PTCD2: variants seen among roughly 807,000 people sequenced by gnomAD.
PTCD2 encodes the protein pentatricopeptide repeat domain 2.
A neutral mutation model predicts 42.6 loss-of-function variants in PTCD2; 31 were observed. The ratio of observed to expected loss-of-function variants is 0.73; its 90% confidence interval spans 0.55 to 0.98. PTCD2 has a LOEUF of 0.98. PTCD2 is among the 50% of genes least tolerant of loss of function. PTCD2 has a pLI of 0.00. For missense variants in PTCD2, 476 were observed against 454.8 expected (o/e 1.05, Z -0.42); for synonymous variants, 183 against 170.9 (o/e 1.07, Z -0.55).
Position 72,358,386 on chromosome 5 carries a change from C to T in PTCD2, c.1126C>T (p.Arg376Cys), listed in dbSNP as rs774465198. The T allele has an allele frequency of 1.3e-5, 21 of 1,613,618 alleles. No individual in the cohort carries two copies. Among genetic ancestry groups the T allele is most frequent in the Non-Finnish European group, 1.7e-5 (20 of 1,179,914 alleles). ...ATTAAACAAGAGGATGGTCAGCCGT[C>T]GCACCTTCCAGCCACTCAGCCAGTC... ...LLLNKRMVSR[R>C]TFQPLSQSLL... Residue 376 changes from arginine to cysteine, a missense_variant, in exon 10 of 10, where the codon CGC becomes TGC. Transcript: ENST00000380639.
intron 7 of PTCD2, among the ~76,000 whole-genome samples, chr5:72,339,774 C>T (rs915818629): frequency 8.6e-5 from 13 of 151,094 alleles, no homozygotes; most frequent in African/African-American, 3.2e-4. Context: ...GTTACATCGT[C>T]ATTGTGAATC....
intron 8 of PTCD2, among the ~76,000 whole-genome samples, chr5:72,346,708 G>A (rs1224666334): frequency 6.6e-6 from 1 of 152,170 alleles, no homozygotes; most frequent in Non-Finnish European, 1.5e-5. Flanking sequence ...CTTCCTACTG[G>A]ATATGGACAG....
rs200250206 is a variant in PTCD2 at position 72,360,209 on chromosome 5, C to CAAAAA, written c.*1794_*1798dup. ...GTATGTGTCTGGTGTTTTGCACATGCAAAAAAAAAAAAAAAAGTGCTTGGA... is the reference window on the plus strand; with the variant it reads ...GTATGTGTCTGGTGTTTTGCACATGCAAAAAAAAAAAAAAAAAAAAAGTGCTTGGA... On this transcript the variant is annotated 3_prime_UTR_variant, in exon 10 of 10. Coordinates refer to ENST00000380639, the MANE Select transcript of PTCD2 (RefSeq NM_024754.5). 9.0e-6 allele frequency: 1 copy of CAAAAA among 111,170 alleles called. No individual in the cohort carries two copies. Among genetic ancestry groups the CAAAAA allele is most frequent in the East Asian group, 2.5e-4 (1 of 4,002 alleles). The allele number at this position is 111,170 out of a possible 1,614,324, so 6.9% of individuals were successfully genotyped here.
At chr5:72,356,840 C>T (rs1055495760) in intron 9 of PTCD2, among the ~76,000 whole-genome samples, 6 of 152,146 alleles carry the variant, frequency 3.9e-5, no homozygotes, top group African/African-American at 1.4e-4. Context: ...GAGCCATTGT[C>T]TCAAAGGAAG....
In PTCD2 at chr5:72,358,509, T is replaced by A; in HGVS notation, c.*82T>A. 1.0e-6 allele frequency: 1 copy of A among 972,530 alleles called. No homozygotes were observed. The highest frequency in any genetic ancestry group is 1.6e-6 in the Non-Finnish European group (1 of 628,722). 60.2% of individuals were successfully genotyped at this position (972,530 alleles called of 1,614,324 possible). A position where few individuals can be genotyped will look rare whatever the true frequency, so the allele number is the denominator to read the frequency against. ...TTTCCTAAGAAGCCAGGTATCGCAC[T>A]TCAGCAGACAGTGTGCTGACACTTG... is the stretch of plus-strand genomic sequence containing the variant. On this transcript the variant is annotated 3_prime_UTR_variant, in exon 10 of 10. Coordinates refer to ENST00000380639, the MANE Select transcript of PTCD2 (RefSeq NM_024754.5).
In PTCD2 at chr5:72,324,170, A is replaced by G. The variant is rs567948347; in HGVS notation, c.220+1906A>G. Reference sequence around the variant, plus strand: ...ATGTGAGGTTTGCAGTTAGGGCTTCATGTCATCCAGTTGTGATTTCCAGTT... The same window carrying G: ...ATGTGAGGTTTGCAGTTAGGGCTTCGTGTCATCCAGTTGTGATTTCCAGTT... On this transcript the variant is annotated intron_variant, in intron 2 of 9. Coordinates refer to ENST00000380639, the MANE Select transcript of PTCD2 (RefSeq NM_024754.5). Among the ~76,000 whole-genome samples, 10 of 152,276 alleles carry G rather than the reference A, an allele frequency of 6.6e-5. No homozygotes were observed. In the East Asian group the frequency reaches 7.7e-4, roughly 12 times the overall value.
At chr5:72,349,924 A>C (rs1048017876) in intron 8 of PTCD2, among the ~76,000 whole-genome samples, 7 of 152,194 alleles carry the variant, frequency 4.6e-5, no homozygotes, top group Non-Finnish European at 1.0e-4. Context: ...TAGTTGCTGG[A>C]GGGAGGAAGA....
chr5:72,340,186 A>C (rs950813006), intron 7 of PTCD2, among the ~76,000 whole-genome samples: 1 of 152,022 alleles, frequency 6.6e-6, no homozygotes, highest in Non-Finnish European at 1.5e-5. Context: ...TGACTTTAAA[A>C]CCATAGTTTT....
chr5:72,344,526 T>C (rs930423802), intron 8 of PTCD2, among the ~76,000 whole-genome samples: 15 of 151,944 alleles, frequency 9.9e-5, no homozygotes, highest in African/African-American at 2.9e-4. Context: ...AAAAAGAATA[T>C]GAACTGTGAA....
intron 9 of PTCD2, among the ~76,000 whole-genome samples, chr5:72,355,433 A>T (rs1327204885): frequency 2.0e-5 from 3 of 152,204 alleles, no homozygotes; most frequent in Non-Finnish European, 2.9e-5. Flanking sequence ...ATTTAATTTT[A>T]AAAAATTAAG....
At chr5:72,357,392 T>C (rs1206615755) in intron 9 of PTCD2, among the ~76,000 whole-genome samples, 1 of 152,222 alleles carries the variant, frequency 6.6e-6, no homozygotes, top group Non-Finnish European at 1.5e-5. Flanking sequence ...TTCTTTTCTG[T>C]ACCTTTCCCA....
In PTCD2 at chr5:72,358,361, A is replaced by G. The variant is rs560996427; in HGVS notation, c.1101A>G (p.Leu367=). 3.7e-6 allele frequency: 6 copies of G among 1,614,034 alleles called. No homozygotes were observed. Among genetic ancestry groups the G allele is most frequent in the Middle Eastern group, 1.7e-4 (1 of 6,056 alleles). ...GGGACAGGAAATCTCACACGTTGCT[A>G]TTAAACAAGAGGATGGTCAGCCGTC... ...TPRDRKSHTL[L]LNKRMVSRRT... is the part of the protein sequence containing the mutation. The change falls in exon 10 of 10, where the codon CTA becomes CTG. Residue 367 remains leucine (L), a synonymous_variant. Coordinates refer to ENST00000380639, the MANE Select transcript of PTCD2 (RefSeq NM_024754.5).
intron 7 of PTCD2, among the ~76,000 whole-genome samples, chr5:72,339,642 G>A (rs116245383): frequency 2.1e-3 from 324 of 151,380 alleles, no homozygotes; most frequent in African/African-American, 7.5e-3. Context: ...TCAGTCATGA[G>A]GTGAGTGAGG....
chr5:72,321,126 G>T (rs947862473), intron 1 of PTCD2: 23 of 152,676 alleles, frequency 1.5e-4, no homozygotes, highest in Middle Eastern at 3.4e-3. Flanking sequence ...GCAGAGTTTG[G>T]AAGCAGAGGT....
chr5:72,367,911 C>G lies in PTCD2; in HGVS notation c.*9484C>G, dbSNP rs1043139245. 6.6e-6 allele frequency: 1 copy of G among 152,200 alleles called. No homozygotes were observed. The highest frequency in any genetic ancestry group is 1.5e-5 in the Non-Finnish European group (1 of 68,048). 9.4% of individuals were successfully genotyped at this position (152,200 alleles called of 1,614,324 possible). A position where few individuals can be genotyped will look rare whatever the true frequency, so the allele number is the denominator to read the frequency against. Reference sequence around the variant, plus strand: ...ACAAAGTGGAGAGCTGGGCGGTTAACCAGTGAACCAATTGAGTGGCTCTGG... The same window carrying G: ...ACAAAGTGGAGAGCTGGGCGGTTAAGCAGTGAACCAATTGAGTGGCTCTGG... On this transcript the variant is annotated 3_prime_UTR_variant, in exon 10 of 10. Coordinates refer to ENST00000380639, the MANE Select transcript of PTCD2 (RefSeq NM_024754.5).
At chr5:72,341,183 G>C (rs1013921825) in intron 7 of PTCD2, among the ~76,000 whole-genome samples, 1 of 151,904 alleles carries the variant, frequency 6.6e-6, no homozygotes, top group Non-Finnish European at 1.5e-5. Context: ...TAGAGACAGG[G>C]TTTCACCATG....
At chr5:72,355,711 G>A (rs566054058) in intron 9 of PTCD2, among the ~76,000 whole-genome samples, 1 of 152,318 alleles carries the variant, frequency 6.6e-6, no homozygotes, top group African/African-American at 2.4e-5. Flanking sequence ...CTCATAGCAT[G>A]TAACTTAAGG....
At position 72,365,696 on chromosome 5, in the gene PTCD2, C is replaced by A. The variant is rs1315348566; in HGVS notation, c.*7269C>A. The A allele has an allele frequency of 1.3e-5, 2 of 152,052 alleles. No homozygotes were observed. The highest frequency in any genetic ancestry group is 1.3e-4 in the Admixed American group (2 of 15,264). 9.4% of individuals were successfully genotyped at this position (152,052 alleles called of 1,614,324 possible). ...GGTGAGGAGTATGTTCCGGTTATAG[C>A]TGGTAGCAAGATGGCTGCATGCATC... On this transcript the variant is annotated 3_prime_UTR_variant, in exon 10 of 10. Transcript: ENST00000380639.
intron 6 of PTCD2, among the ~76,000 whole-genome samples, chr5:72,338,258 G>A (rs1751861982): frequency 6.6e-6 from 1 of 152,122 alleles, no homozygotes; most frequent in African/African-American, 2.4e-5. Flanking sequence ...GTGTTGTTGA[G>A]CCTTAATCAG....
Sources: allele counts gnomAD v4.1 joint callset (sites outside exome capture counted in the v4.1 genomes callset), GRCh38; gene constraint gnomAD v4.1.1; transcripts MANE v1.5; gene names NCBI Gene and HGNC (gene_info 2026-07-23, HGNC 2026-07-21).